Variants in RASGRF1 observed in about 807,000 individuals in gnomAD.
The protein encoded by RASGRF1 is Ras protein specific guanine nucleotide releasing factor 1, also known as ras-specific guanine nucleotide-releasing factor 1.
RASGRF1 carries 40 observed loss-of-function variants against 138.7 expected under a neutral mutation model. The ratio of observed to expected loss-of-function variants is 0.29; its 90% CI spans 0.22 to 0.38. The LOEUF is 0.38. RASGRF1 is among the 10% of genes least tolerant of loss of function. The probability of loss-of-function intolerance (pLI) is 1.00; values close to 1 mark genes in which losing one functional copy is unlikely to be tolerated. For synonymous variants in RASGRF1, 614 were observed against 663.2 expected (o/e 0.93, Z 1.14); for missense variants, 1,108 against 1,650.4 (o/e 0.67, Z 5.69).
In RASGRF1 at chr15:78,962,093, A is replaced by T. The variant is rs892976764; in HGVS notation, c.*51T>A. The T allele has an allele frequency of 2.8e-5, 32 of 1,145,308 alleles. No homozygotes were observed. Among genetic ancestry groups the T allele is most frequent in the Non-Finnish European group, 3.9e-5 (30 of 774,670 alleles). 70.9% of individuals were successfully genotyped at this position (1,145,308 alleles called of 1,614,324 possible). ...GTGAAACCAAACGAATATGTACAGT[A>T]TCATCTAGCACATGTCCCCGGGAGC... On this transcript the variant is annotated 3_prime_UTR_variant, in exon 27 of 27. Transcript: ENST00000558480.
intron 24 of RASGRF1, among the ~76,000 whole-genome samples, chr15:78,977,157 C>G (rs918563802): frequency 6.6e-6 from 1 of 152,196 alleles, no homozygotes; most frequent in Non-Finnish European, 1.5e-5. Context: ...GAAACCAACC[C>G]GAGACAAGCA....
rs529386479 is a variant in RASGRF1 at position 79,043,105 on chromosome 15, C to G, written c.878+3641G>C. Among the ~76,000 whole-genome samples, 185 of 152,276 alleles carry G rather than the reference C, an allele frequency of 1.2e-3. 2 individuals carry two copies. Among genetic ancestry groups the G allele is most frequent in the African/African-American group, 4.3e-3 (179 of 41,554 alleles). ...GAACCAGCCTCGTCAGACTTGCAAC[C>G]ATTGATATAACCACCAGGTCTTCTC... On this transcript the variant is annotated intron_variant, in intron 5 of 26. Coordinates refer to ENST00000558480, the MANE Select transcript of RASGRF1 (RefSeq NM_001145648.3).
At chr15:79,035,830 G>A (rs968835737) in intron 5 of RASGRF1, among the ~76,000 whole-genome samples, 5 of 152,312 alleles carry the variant, frequency 3.3e-5, no homozygotes, top group African/African-American at 1.2e-4. Flanking sequence ...CACAGGAGAC[G>A]CTCAGAAAAC....
At position 79,001,666 on chromosome 15, in the gene RASGRF1, A is replaced by G; in HGVS notation, c.2571T>C (p.Ser857=). The G allele has an allele frequency of 6.2e-7, 1 of 1,613,334 alleles. No homozygotes were observed. Among genetic ancestry groups the G allele is most frequent in the Non-Finnish European group, 8.5e-7 (1 of 1,179,418 alleles). ...TTTTGAATTGGTGCATTGTACCTGA[A>G]GAATTTTTGTTTTTGACTGATTTGG... ...TTPKSVKNKN[S]SEFPLFSYNN... The change falls in exon 16 of 27, where the codon TCT becomes TCC. Residue 857 remains serine (S), a synonymous_variant. Coordinates refer to ENST00000558480, the MANE Select transcript of RASGRF1 (RefSeq NM_001145648.3).
intron 23 of RASGRF1, 142 bp from the exon 24 acceptor site, chr15:78,980,841 G>C: frequency 1.8e-6 from 1 of 549,686 alleles, no homozygotes; most frequent in Non-Finnish European, 3.1e-6. Flanking sequence ...TCCTGTGTTT[G>C]GGCACCTTGC....
At chr15:79,039,129 G>A (rs951551821) in intron 5 of RASGRF1, among the ~76,000 whole-genome samples, 3 of 145,692 alleles carry the variant, frequency 2.1e-5, no homozygotes, top group East Asian at 1.9e-4. Context: ...GGGAGACCCC[G>A]TCTCTACAAA....
At chr15:79,085,577 G>A (rs2057968811) in intron 1 of RASGRF1, among the ~76,000 whole-genome samples, 1 of 152,178 alleles carries the variant, frequency 6.6e-6, no homozygotes, top group African/African-American at 2.4e-5. Flanking sequence ...GAGGTTGAAT[G>A]TGCTATAACT....
chr15:79,027,933 C>T lies in RASGRF1; in HGVS notation c.1263-74G>A. On this transcript the variant is annotated intron_variant, in intron 8 of 26. Transcript: ENST00000558480. The surrounding 1 kb of genome is among the most constrained non-coding windows in gnomAD (Gnocchi z 4.8). ...CCAGGGAGGCGAGAATGCCAGGCTTCTGGCCAGACCTAGGAAGAAAGCCTG... is the reference window on the plus strand; with the variant it reads ...CCAGGGAGGCGAGAATGCCAGGCTTTTGGCCAGACCTAGGAAGAAAGCCTG... 1 of 1,440,046 alleles carries T rather than the reference C, an allele frequency of 6.9e-7. No individual in the cohort carries two copies. Among genetic ancestry groups the T allele is most frequent in the Admixed American group, 1.7e-5 (1 of 59,288 alleles). 89.2% of individuals were successfully genotyped at this position (1,440,046 alleles called of 1,614,324 possible). A position where few individuals can be genotyped will look rare whatever the true frequency, so the allele number is the denominator to read the frequency against.
chr15:79,048,736 A>G (rs2057388168), intron 4 of RASGRF1, among the ~76,000 whole-genome samples: 2 of 152,200 alleles, frequency 1.3e-5, no homozygotes, highest in African/African-American at 4.8e-5. Context: ...TCTCAAACAC[A>G]CTGGTACGCT....
chr15:78,994,870 T>C (rs59145809), intron 20 of RASGRF1, among the ~76,000 whole-genome samples: 22,380 of 151,452 alleles, frequency 0.15, 1,693 homozygotes, highest in African/African-American at 0.16. Flanking sequence ...CCAGCTCTTA[T>C]ACCACCACTG....
At position 79,004,780 on chromosome 15, in the gene RASGRF1, C is replaced by T. The variant is rs568909662; in HGVS notation, c.2076-605G>A. 8.9e-5 allele frequency: 88 copies of T among 985,558 alleles called. No homozygotes were observed. The African/African-American group carries it at 1.4e-3, about 16-fold the overall frequency. 61.1% of individuals were successfully genotyped at this position (985,558 alleles called of 1,614,324 possible). A position where few individuals can be genotyped will look rare whatever the true frequency, so the allele number is the denominator to read the frequency against. On this transcript the variant is annotated intron_variant, in intron 14 of 26. Coordinates refer to ENST00000558480, the MANE Select transcript of RASGRF1 (RefSeq NM_001145648.3). ...AACAGGTTATACATCCAGAACATTG[C>T]AAACCATAGCTTGTCTCATCGAGGC...
chr15:79,060,788 CTTTAA>C (rs903752002), intron 2 of RASGRF1, among the ~76,000 whole-genome samples: 4 of 152,248 alleles, frequency 2.6e-5, no homozygotes, highest in African/African-American at 7.2e-5. Flanking sequence ...TAGAGCCAGT[CTTTAA>C]TTTAGTGAAT....
In RASGRF1 at chr15:78,978,229, T is replaced by C. The variant is rs555937161; in HGVS notation, c.3494+2391A>G. Among the ~76,000 whole-genome samples the C allele has an allele frequency of 5.7e-3, 173 of 30,178 alleles. 3 individuals carry two copies. Among genetic ancestry groups the C allele is most frequent in the African/African-American group, 6.2e-3 (131 of 21,248 alleles). The allele number at this position is 30,178 out of a possible 152,430, so 19.8% of individuals were successfully genotyped here. A position where few individuals can be genotyped will look rare whatever the true frequency, so the allele number is the denominator to read the frequency against. The stretch of plus-strand genomic sequence containing the variant: ...CTTTTTCTTTTCTTTTGTTTTTTTT[T>C]TTTTTTTTTTTTTTTGAGACAGTCT... On this transcript the variant is annotated intron_variant, in intron 24 of 26. Transcript: ENST00000558480.
At position 79,058,265 on chromosome 15, in the gene RASGRF1, A is replaced by G. The variant is rs150842082; in HGVS notation, c.531+69T>C. 2,615 of 1,559,544 alleles carry G rather than the reference A, an allele frequency of 1.7e-3. 48 individuals carry two copies. In the African/African-American group the frequency reaches 0.032, roughly 19 times the overall value. ...TCCCTGCCTGTCATGTGGCTCCCCA[A>G]TCCTGCAGGAGCCCAGGGTTTGAGA... On this transcript the variant is annotated intron_variant, in intron 3 of 26. Transcript: ENST00000558480.
At chr15:78,966,459 C>G (rs932493973) in intron 26 of RASGRF1, among the ~76,000 whole-genome samples, 1 of 151,956 alleles carries the variant, frequency 6.6e-6, no homozygotes. Flanking sequence ...AGGCTGGTCT[C>G]AAACTTCTGG....
At chr15:78,963,597 T>A (rs2055588301) in intron 26 of RASGRF1, among the ~76,000 whole-genome samples, 1 of 152,164 alleles carries the variant, frequency 6.6e-6, no homozygotes, top group Non-Finnish European at 1.5e-5. Flanking sequence ...CCACCGTGCC[T>A]GGCCAAATTT....
At chr15:79,079,352 G>A (rs2057882561) in intron 1 of RASGRF1, among the ~76,000 whole-genome samples, 1 of 151,582 alleles carries the variant, frequency 6.6e-6, no homozygotes, top group South Asian at 2.1e-4. Context: ...CAAAAACTTG[G>A]TTGGAAATGG....
chr15:78,993,401 T>G (rs1401732068), intron 20 of RASGRF1, among the ~76,000 whole-genome samples: 1 of 150,274 alleles, frequency 6.7e-6, no homozygotes, highest in African/African-American at 2.5e-5. Context: ...GTGTGTGTGT[T>G]TGTGTGGTGG....
At chr15:79,080,008 A>G (rs1195337921) in intron 1 of RASGRF1, among the ~76,000 whole-genome samples, 1 of 152,188 alleles carries the variant, frequency 6.6e-6, no homozygotes, top group Non-Finnish European at 1.5e-5. Flanking sequence ...CATGCCCTAT[A>G]CTGGCGGTGC....
Sources: allele counts gnomAD v4.1 joint callset (sites outside exome capture counted in the v4.1 genomes callset), GRCh38; gene constraint gnomAD v4.1.1; non-coding constraint Gnocchi (gnomAD v3.1); transcripts MANE v1.5; gene names NCBI Gene and HGNC (gene_info 2026-07-23, HGNC 2026-07-21).